The following FAM120B variants were observed in gnomAD, a reference collection of about 807,000 sequenced individuals.
The protein encoded by FAM120B is constitutive coactivator of peroxisome proliferator-activated receptor gamma.
In FAM120B, 83 loss-of-function variants were observed where a neutral mutation model predicts 96.3. The observed-to-expected ratio is 0.86, with a 90% CI of 0.72 to 1.03. The LOEUF (loss-of-function observed/expected upper bound fraction) is 1.03. Ranked by LOEUF, FAM120B falls within the 50% of genes least tolerant of loss-of-function variation. The pLI is 0.00. For missense variants in FAM120B, 1,027 were observed against 1,121.2 expected, an observed-to-expected ratio of 0.92 and a Z score of 1.20; for synonymous variants, 407 against 402.7, an observed-to-expected ratio of 1.01 and a Z score of -0.13.
chr6:170,388,238 A>G, intron 6 of FAM120B, 49 bp from the exon 7 acceptor site: 2 of 1,521,964 alleles, frequency 1.3e-6, no homozygotes, highest in South Asian at 1.1e-5. Flanking sequence ...TGTTTCCTGC[A>G]TGTGTGACTC....
chr6:170,386,405 AC>A (rs1790188972), intron 6 of FAM120B, among the ~76,000 whole-genome samples: 1 of 152,264 alleles, frequency 6.6e-6, no homozygotes, highest in African/African-American at 2.4e-5. Context: ...ACATCTGTAT[AC>A]ATAGATAATG....
intron 9 of FAM120B, among the ~76,000 whole-genome samples, chr6:170,400,371 A>G (rs1778493365): frequency 6.6e-6 from 1 of 152,150 alleles, no homozygotes; most frequent in Non-Finnish European, 1.5e-5. Flanking sequence ...CTCAGAAGGC[A>G]GGTGGAGTGG....
chr6:170,331,159 G>A (rs1292182215), intron 4 of FAM120B, among the ~76,000 whole-genome samples: 17 of 152,192 alleles, frequency 1.1e-4, no homozygotes, highest in Non-Finnish European at 2.1e-4. Flanking sequence ...CTGTGAGTTC[G>A]TAGTATCTGA....
chr6:170,355,155 G>A (rs1379250990), intron 5 of FAM120B, among the ~76,000 whole-genome samples: 4 of 152,096 alleles, frequency 2.6e-5, no homozygotes, highest in Non-Finnish European at 5.9e-5. Flanking sequence ...GTGGAAGACA[G>A]TGTTGTGATT....
chr6:170,397,935 C>T (rs1217600263), intron 9 of FAM120B, among the ~76,000 whole-genome samples: 1 of 152,222 alleles, frequency 6.6e-6, no homozygotes, highest in Non-Finnish European at 1.5e-5. Flanking sequence ...ATGTCCCCTA[C>T]TCCTAGCCTC....
intron 6 of FAM120B, among the ~76,000 whole-genome samples, chr6:170,371,170 C>T (rs1554288347): frequency 6.6e-6 from 1 of 152,166 alleles, no homozygotes; most frequent in Non-Finnish European, 1.5e-5. Context: ...TCCTCAGCCC[C>T]TGTCTACCAC....
chr6:170,295,514 G>T lies in FAM120B; in HGVS notation c.48+61G>T. The T allele has an allele frequency of 1.5e-6, 1 of 666,130 alleles. No homozygotes were observed. Among genetic ancestry groups the T allele is most frequent in the African/African-American group, 1.9e-5 (1 of 54,012 alleles). 41.3% of individuals were successfully genotyped at this position (666,130 alleles called of 1,614,324 possible). On this transcript the variant is annotated intron_variant, in intron 1 of 10. Coordinates refer to the FAM120B transcript ENST00000537664. The surrounding 1 kb of genome is among the most constrained non-coding windows in gnomAD (Gnocchi z 7.8). ...CCCCAGGCAGCCGCGCTTCCACAGC[G>T]GGCAGGAGCGCGACCCCCGGCGCGG... is the stretch of plus-strand genomic sequence containing the variant.
Position 170,406,846 on chromosome 6 carries a change from C to G in FAM120B, c.*2095C>G, listed in dbSNP as rs1275692162. 1.3e-5 allele frequency: 2 copies of G among 152,162 alleles called. No individual in the cohort carries two copies. The highest frequency in any genetic ancestry group is 4.8e-5 in the African/African-American group (2 of 41,440). The allele number at this position is 152,162 out of a possible 1,614,324, so 9.4% of individuals were successfully genotyped here. ...TGTCTGTGAAAATTGTTTTCTCCTT[C>G]ATAATACCTAAATTCTAGTTTGTCA... is the stretch of plus-strand genomic sequence containing the variant. On this transcript the variant is annotated 3_prime_UTR_variant, in exon 11 of 11. Coordinates refer to ENST00000476287, the MANE Select transcript of FAM120B (RefSeq NM_032448.3).
upstream of FAM120B, among the ~76,000 whole-genome samples, chr6:170,303,913 C>T (rs906437210): frequency 2.0e-5 from 3 of 152,180 alleles, no homozygotes; most frequent in Admixed American, 6.5e-5. Context: ...TTCTGAAGAT[C>T]CCTTTTAAGA....
intron 4 of FAM120B, among the ~76,000 whole-genome samples, chr6:170,336,260 G>A (rs1027454500): frequency 1.3e-5 from 2 of 152,104 alleles, no homozygotes; most frequent in African/African-American, 4.8e-5. Flanking sequence ...TCTGTTTTCT[G>A]CTTATGGCTA....
In FAM120B at chr6:170,386,542, A is replaced by G. The variant is rs575357123; in HGVS notation, c.2284-1745A>G. 6.4e-4 allele frequency among the ~76,000 whole-genome samples: 98 copies of G among 152,356 alleles called. 3 individuals are homozygous for G. In the South Asian group the frequency reaches 0.018, roughly 28 times the overall value. On this transcript the variant is annotated intron_variant, in intron 6 of 10. Coordinates refer to ENST00000476287, the MANE Select transcript of FAM120B (RefSeq NM_032448.3). ...AAATACAACCTAATAAGACTGAAGTATGAAGAAATAGAAAACTAGAAACCT... is the reference window on the plus strand; with the variant it reads ...AAATACAACCTAATAAGACTGAAGTGTGAAGAAATAGAAAACTAGAAACCT...
At position 170,318,177 on chromosome 6, in the gene FAM120B, A is replaced by T. The variant is rs773268991; in HGVS notation, c.787A>T (p.Ile263Phe). The stretch of plus-strand genomic sequence containing the variant: ...AGAGAACTTTGACAAAAAAGGTAAC[A>T]TCATATTAGCTGTGTCAGACCATAT... ...VKENFDKKGN[I>F]ILAVSDHISK... Residue 263 changes from isoleucine (I) to phenylalanine (F), a missense_variant, in exon 2 of 11, where the codon ATC (isoleucine) becomes TTC (phenylalanine). By Grantham distance (21) the Ile-to-Phe change is conservative. Transcript: ENST00000476287. 5.6e-6 allele frequency: 9 copies of T among 1,614,244 alleles called. No homozygotes were observed. The highest frequency in any genetic ancestry group is 7.6e-6 in the Non-Finnish European group (9 of 1,180,044).
chr6:170,339,829 C>T lies in FAM120B; in HGVS notation c.2018-8322C>T, dbSNP rs139467635. ...TGGACATTGGCCCCCCACTCTTTTG[C>T]GGCTTGTAGGGTTTCTGCAGAGAGA... is the stretch of plus-strand genomic sequence containing the variant. On this transcript the variant is annotated intron_variant, in intron 4 of 10. Coordinates refer to ENST00000476287, the MANE Select transcript of FAM120B (RefSeq NM_032448.3). Among the ~76,000 whole-genome samples the T allele has an allele frequency of 1.5e-3, 220 of 150,880 alleles. 2 individuals carry two copies. Among genetic ancestry groups the T allele is most frequent in the East Asian group, 4.9e-3 (25 of 5,116 alleles).
At chr6:170,356,476 T>C (rs1220854973) in intron 5 of FAM120B, among the ~76,000 whole-genome samples, 1 of 152,200 alleles carries the variant, frequency 6.6e-6, no homozygotes, top group Non-Finnish European at 1.5e-5. Context: ...TGATGTGTAA[T>C]ATGGGATAAA....
At chr6:170,301,217 C>A (rs1048604303) in intron 1 of FAM120B, among the ~76,000 whole-genome samples, 29 of 152,236 alleles carry the variant, frequency 1.9e-4, no homozygotes, top group Admixed American at 1.4e-3. Flanking sequence ...CTTTGGCGCA[C>A]CAGCAGGACC....
chr6:170,358,721 T>A (rs1292608238), intron 6 of FAM120B, among the ~76,000 whole-genome samples: 8 of 152,216 alleles, frequency 5.3e-5, no homozygotes, highest in Non-Finnish European at 1.2e-4. Context: ...TCCTGGCGCG[T>A]TGGCTGTGGC....
chr6:170,340,657 AC>A (rs1285464241), intron 4 of FAM120B, among the ~76,000 whole-genome samples: 1 of 151,968 alleles, frequency 6.6e-6, no homozygotes, highest in East Asian at 1.9e-4. Flanking sequence ...AAGGCTGATG[AC>A]CTTTGGATGG....
intron 9 of FAM120B, among the ~76,000 whole-genome samples, chr6:170,401,396 G>A (rs1208707791): frequency 6.6e-6 from 1 of 152,152 alleles, no homozygotes; most frequent in Non-Finnish European, 1.5e-5. Flanking sequence ...ACAGGACATG[G>A]GGGGCTGGCA....
In FAM120B at chr6:170,391,338, C is replaced by T. The variant is rs111725440; in HGVS notation, c.2599+217C>T. The T allele has an allele frequency of 2.5e-3, 1,226 of 500,062 alleles. 15 individuals carry two copies. Among genetic ancestry groups the T allele is most frequent in the African/African-American group, 0.021 (1,084 of 51,384 alleles). The allele number at this position is 500,062 out of a possible 1,614,324, so 31.0% of individuals were successfully genotyped here. A position where few individuals can be genotyped will look rare whatever the true frequency, so the allele number is the denominator to read the frequency against. On this transcript the variant is annotated intron_variant, in intron 8 of 10. Coordinates refer to ENST00000476287, the MANE Select transcript of FAM120B (RefSeq NM_032448.3). The stretch of plus-strand genomic sequence containing the variant: ...TCACTTGAGGTCAGGAATTCAAGAC[C>T]AGCCTGGCCCACATGGTGAAACCCC...
Sources: gnomAD v4.1 joint callset for allele counts (sites outside exome capture counted in the v4.1 genomes callset) on GRCh38, gnomAD v4.1.1 for gene constraint, Gnocchi (gnomAD v3.1) non-coding constraint, MANE v1.5 for transcripts, NCBI Gene and HGNC (gene_info 2026-07-23, HGNC 2026-07-21) for gene names.